The following DIP2A variants were observed in gnomAD, a reference collection of about 807,000 sequenced individuals.
The protein encoded by DIP2A is DIP2 acetate--CoA ligase A, also known as disco-interacting protein 2 homolog A.
A neutral mutation model predicts 177.4 loss-of-function variants in DIP2A; 85 were observed. The observed-to-expected ratio is 0.48, with a 90% CI of 0.40 to 0.57. DIP2A has a LOEUF of 0.57. Among genes scored for constraint, DIP2A ranks in the 20% least tolerant of loss-of-function variants. The pLI, the probability that DIP2A is intolerant of heterozygous loss-of-function variation, is 0.00. For missense variants in DIP2A, 1,791 were observed against 2,100.2 expected, an observed-to-expected ratio of 0.85 and a Z score of 2.88; for synonymous variants, 886 against 881.8, an observed-to-expected ratio of 1.00 and a Z score of -0.08.
chr21:46,484,364 A>G (rs1004111440), intron 1 of DIP2A, among the ~76,000 whole-genome samples: 2 of 152,192 alleles, frequency 1.3e-5, no homozygotes, highest in African/African-American at 2.4e-5. Context: ...AACCACCACT[A>G]CACTCCCAAC....
rs2060510514 is a variant in DIP2A, at chr21:46,557,528, G to A, written c.3630-57G>A. ...AAGTGTTCTTGAGGAAGGGAAGAGTGGAGTGCCCAGGGTGCTGGGTGGGCG... is the reference window on the plus strand; with the variant it reads ...AAGTGTTCTTGAGGAAGGGAAGAGTAGAGTGCCCAGGGTGCTGGGTGGGCG... On this transcript the variant is annotated intron_variant, in intron 30 of 37. Transcript: ENST00000417564. The surrounding 1 kb of genome is among the most constrained non-coding windows in gnomAD (Gnocchi z 6.0). 6.5e-7 allele frequency: 1 copy of A among 1,549,264 alleles called. No homozygotes were observed. The highest frequency in any genetic ancestry group is 2.3e-5 in the East Asian group (1 of 43,274).
downstream of DIP2A, among the ~76,000 whole-genome samples, chr21:46,571,927 CA>C (rs1326156739): frequency 2.0e-5 from 3 of 152,100 alleles, no homozygotes; most frequent in African/African-American, 7.2e-5. Context: ...CCAGAACTTC[CA>C]ATACTATGTT....
chr21:46,550,482 A>T (rs1601807781), intron 22 of DIP2A, 61 bp from the exon 23 acceptor site: 5 of 1,526,468 alleles, frequency 3.3e-6, no homozygotes, highest in Non-Finnish European at 4.5e-6. Context: ...CCTGTCCCCC[A>T]CCCAGCATCT....
chr21:46,495,240 T>TCTCTCTCTCTCTC (rs60545868), intron 3 of DIP2A, among the ~76,000 whole-genome samples: 67 of 47,726 alleles, frequency 1.4e-3, no homozygotes, highest in Admixed American at 2.5e-3. Context: ...TTCTCTTCTC[T>TCTCTCTCTCTCTC]TCTTTCTCTC....
intron 2 of DIP2A, among the ~76,000 whole-genome samples, chr21:46,487,266 A>G (rs1256165631): frequency 6.6e-6 from 1 of 152,262 alleles, no homozygotes; most frequent in Non-Finnish European, 1.5e-5. Flanking sequence ...AAGAAGATTG[A>G]CGAGGCTCTT....
chr21:46,537,307 TG>T lies in DIP2A; in HGVS notation c.1707+20del. ...GTTAACAGTGAGTGTTGTTTGCTGATGACTAACTGTTGGAACAAGGGATTGA... is the reference window on the plus strand; with the variant it reads ...GTTAACAGTGAGTGTTGTTTGCTGATACTAACTGTTGGAACAAGGGATTGA... On this transcript the variant is annotated intron_variant, in intron 14 of 37. Transcript: ENST00000417564. The surrounding 1 kb of genome is among the most constrained non-coding windows in gnomAD (Gnocchi z 4.1). 6.2e-7 allele frequency: 1 copy of T among 1,613,746 alleles called. No homozygotes were observed. The highest frequency in any genetic ancestry group is 8.5e-7 in the Non-Finnish European group (1 of 1,179,632).
intron 1 of DIP2A, among the ~76,000 whole-genome samples, chr21:46,473,467 AGG>A (rs36017287): frequency 8.5e-6 from 1 of 117,948 alleles, no homozygotes; most frequent in South Asian, 3.5e-4. Context: ...GGAAAAAAAA[AGG>A]GGGGGGGGCC....
At chr21:46,544,009 G>GT (rs2059930184) in intron 18 of DIP2A, among the ~76,000 whole-genome samples, 2 of 152,146 alleles carry the variant, frequency 1.3e-5, no homozygotes, top group Non-Finnish European at 2.9e-5. Flanking sequence ...GGCACAGAAG[G>GT]ACAGTTCCTA....
chr21:46,482,506 G>A (rs1474646873), intron 1 of DIP2A, among the ~76,000 whole-genome samples: 1 of 152,136 alleles, frequency 6.6e-6, no homozygotes, highest in African/African-American at 2.4e-5. Context: ...AATGTTACTG[G>A]TTTATGTATT....
rs1461936926 is a variant in DIP2A at position 46,497,065 on chromosome 21, T to C, written c.361T>C (p.Ser121Pro). The change falls in exon 4 of 38, where the codon TCT becomes CCT. Residue 121 changes from serine (S) to proline (P), a missense_variant. Coordinates refer to ENST00000417564, the MANE Select transcript of DIP2A (RefSeq NM_015151.4). ...RKMPMPSKRRSVLVHSSVETY... is the reference protein window; with the variant it reads ...RKMPMPSKRRPVLVHSSVETY... ...GATGCCTATGCCTTCGAAGAGACGT[T>C]CTGTCCTTGTGCATTCGTCTGTGGA... The C allele has an allele frequency of 2.5e-6, 4 of 1,614,002 alleles. No homozygotes were observed. The highest frequency in any genetic ancestry group is 1.7e-5 in the Admixed American group (1 of 60,022).
rs1171094200 is a variant in DIP2A, at chr21:46,556,365, C to A, written c.3498+274C>A. The A allele has an allele frequency of 2.8e-6, 4 of 1,412,008 alleles. No homozygotes were observed. The highest frequency in any genetic ancestry group is 3.8e-6 in the Non-Finnish European group (4 of 1,058,954). The allele number at this position is 1,412,008 out of a possible 1,614,324, so 87.5% of individuals were successfully genotyped here. On this transcript the variant is annotated intron_variant, in intron 29 of 37. Transcript: ENST00000417564. The surrounding 1 kb of genome is among the most constrained non-coding windows in gnomAD (Gnocchi z 4.5). The stretch of plus-strand genomic sequence containing the variant: ...ACTGGTGGCTTTGAAGAATCTCTTA[C>A]CTTGCTGGGAGTCAATAGCTCAATT...
chr21:46,511,554 A>G lies in DIP2A; in HGVS notation c.1042A>G (p.Lys348Glu). ...TLQRWGTTQPKSPCLTALDTT... is the reference protein window; with the variant it reads ...TLQRWGTTQPESPCLTALDTT... Reference sequence around the variant, plus strand: ...GCAGCGCTGGGGCACAACACAGCCCAAATCCCCCTGTCTGACTGCCTTGGA... The same window carrying G: ...GCAGCGCTGGGGCACAACACAGCCCGAATCCCCCTGTCTGACTGCCTTGGA... Residue 348 changes from lysine to glutamate, a missense_variant, in exon 8 of 38, where the codon AAA becomes GAA. Transcript: ENST00000417564. 6.3e-7 allele frequency: 1 copy of G among 1,598,424 alleles called. No individual in the cohort carries two copies. Among genetic ancestry groups the G allele is most frequent in the Non-Finnish European group, 8.5e-7 (1 of 1,172,938 alleles).
At position 46,547,038 on chromosome 21, in the gene DIP2A, G is replaced by A. The variant is rs753359182; in HGVS notation, c.2518G>A (p.Gly840Ser). ...AVEPMKFVYRGRIAVFSVTVL... is the reference protein window; with the variant it reads ...AVEPMKFVYRSRIAVFSVTVL... ...GGAGCCCATGAAGTTTGTCTACAGA[G>A]GCAGGTGATGCGCTGCGGACCCCCA... Residue 840 changes from glycine (G) to serine (S), a missense_variant, in exon 21 of 38, where the codon GGC (glycine) becomes AGC (serine). Transcript: ENST00000417564. The A allele has an allele frequency of 5.0e-6, 8 of 1,613,846 alleles. No homozygotes were observed. The highest frequency in any genetic ancestry group is 5.9e-6 in the Non-Finnish European group (7 of 1,179,782).
Position 46,537,830 on chromosome 21 carries a change from C to T in DIP2A, c.1801+291C>T, listed in dbSNP as rs1211491852. Among the ~76,000 whole-genome samples, 2 of 152,106 alleles carry T rather than the reference C, an allele frequency of 1.3e-5. No individual in the cohort carries two copies. The highest frequency in any genetic ancestry group is 2.1e-4 in the South Asian group (1 of 4,824). On this transcript the variant is annotated intron_variant, in intron 15 of 37. Coordinates refer to ENST00000417564, the MANE Select transcript of DIP2A (RefSeq NM_015151.4). This position sits in a 1 kb window ranked among gnomAD's most constrained non-coding sequence, Gnocchi z 4.1. ...GCCTCCTGGGACCAAGCAGGAGGCC[C>T]CAGCATGGCCACACCTGCACAGTTG...
chr21:46,550,066 G>A, intron 22 of DIP2A, 181 bp downstream of exon 22: 1 of 1,398,240 alleles, frequency 7.2e-7, no homozygotes, highest in Non-Finnish European at 9.4e-7. Flanking sequence ...GATACAAAGT[G>A]ATGTTATAAT....
chr21:46,474,528 A>G (rs999068534), intron 1 of DIP2A, among the ~76,000 whole-genome samples: 7 of 152,216 alleles, frequency 4.6e-5, no homozygotes, highest in African/African-American at 1.4e-4. Flanking sequence ...CAGCTGAGGC[A>G]GGGAAATGTG....
chr21:46,527,675 T>A (rs915935315), intron 8 of DIP2A, among the ~76,000 whole-genome samples: 5 of 152,090 alleles, frequency 3.3e-5, no homozygotes. Flanking sequence ...GTTCACTTAT[T>A]TCATAGTGTT....
chr21:46,529,736 C>A (rs2059276998), intron 9 of DIP2A, among the ~76,000 whole-genome samples: 1 of 151,986 alleles, frequency 6.6e-6, no homozygotes, highest in Non-Finnish European at 1.5e-5. Flanking sequence ...TTCTGTTTGA[C>A]TTCATATATG....
chr21:46,562,625 C>T (rs1023678049), intron 34 of DIP2A, among the ~76,000 whole-genome samples: 16 of 152,152 alleles, frequency 1.1e-4, no homozygotes, highest in African/African-American at 3.6e-4. Context: ...GTGAGGGTCT[C>T]GAGGTGGGAG....
Sources: allele counts gnomAD v4.1 joint callset (sites outside exome capture counted in the v4.1 genomes callset), GRCh38; gene constraint gnomAD v4.1.1; non-coding constraint Gnocchi (gnomAD v3.1); transcripts MANE v1.5; gene names NCBI Gene and HGNC (gene_info 2026-07-23, HGNC 2026-07-21).